The following SP3 variants were observed in gnomAD, a reference collection of about 807,000 sequenced individuals.
SP3 encodes Sp3 transcription factor, also known as transcription factor Sp3.
In SP3, 10 loss-of-function variants were observed where a neutral mutation model predicts 70.3. The ratio of observed to expected loss-of-function variants is 0.14; its 90% confidence interval spans 0.09 to 0.24. The LOEUF (loss-of-function observed/expected upper bound fraction) is 0.24, where lower values mean the gene tolerates loss of function less well. Among genes scored for constraint, SP3 ranks in the 10% least tolerant of loss-of-function variants. SP3 has a pLI of 1.00. For missense variants in SP3, 825 were observed against 914.6 expected (o/e 0.90, Z 1.26); for synonymous variants, 402 against 333.5 (o/e 1.21, Z -2.24).
rs1404277119 is a variant in SP3, at chr2:173,906,412, T to C, written c.*3529A>G. The stretch of plus-strand genomic sequence containing the variant: ...ACCAAAGATATCAATTAATTTGTTT[T>C]GTGCTTATTGTCAGACAACAAAAGA... On this transcript the variant is annotated 3_prime_UTR_variant, in exon 7 of 7. Transcript: ENST00000310015. 6.6e-6 allele frequency: 1 copy of C among 152,240 alleles called. No individual in the cohort carries two copies. Among genetic ancestry groups the C allele is most frequent in the African/African-American group, 2.4e-5 (1 of 41,464 alleles). 9.4% of individuals were successfully genotyped at this position (152,240 alleles called of 1,614,324 possible). A position where few individuals can be genotyped will look rare whatever the true frequency, so the allele number is the denominator to read the frequency against.
intron 4 of SP3, among the ~76,000 whole-genome samples, chr2:173,930,081 T>C (rs1259969410): frequency 6.6e-6 from 1 of 152,190 alleles, no homozygotes; most frequent in Non-Finnish European, 1.5e-5. Flanking sequence ...AGGGGTTCCA[T>C]ACCTTTAGTC....
chr2:173,955,592 T>A lies in SP3; in HGVS notation c.920A>T (p.Asp307Val), dbSNP rs771818998. 6.2e-7 allele frequency: 1 copy of A among 1,614,104 alleles called. No homozygotes were observed. Among genetic ancestry groups the A allele is most frequent in the Non-Finnish European group, 8.5e-7 (1 of 1,180,038 alleles). ...CCGCTCACCAGTCCTTTCTGAATTGTCTGAACTATCCATAGCTTGTCCTGT... is the reference window on the plus strand; with the variant it reads ...CCGCTCACCAGTCCTTTCTGAATTGACTGAACTATCCATAGCTTGTCCTGT... ...INTGQAMDSS[D>V]NSERTGERVS... The change falls in exon 4 of 7, where the codon GAC becomes GTC. Residue 307 changes from aspartate (D) to valine (V), a missense_variant. This residue lies in a region of SP3 where 678 missense variants were observed against 651.6 expected (regional missense o/e 1.04). Transcript: ENST00000310015.
chr2:173,917,748 C>CA (rs1689650034), intron 5 of SP3, among the ~76,000 whole-genome samples: 1 of 151,406 alleles, frequency 6.6e-6, no homozygotes, highest in Non-Finnish European at 1.5e-5. Flanking sequence ...CAAAGCTGCA[C>CA]AAAAAAGGGA....
intron 2 of SP3, 64 bp from the exon 3 acceptor site, chr2:173,963,947 C>G: frequency 2.5e-6 from 3 of 1,208,388 alleles, no homozygotes; most frequent in Non-Finnish European, 3.3e-6. Flanking sequence ...AGGGTCGGGC[C>G]GCCTTTCGCA....
chr2:173,926,195 TCTAA>T (rs1287544308), intron 4 of SP3, among the ~76,000 whole-genome samples: 4 of 152,276 alleles, frequency 2.6e-5, no homozygotes, highest in Admixed American at 6.5e-5. Flanking sequence ...CAATGTCTAG[TCTAA>T]CTTAGTCTAA....
chr2:173,910,590 A>G (rs947453517), intron 6 of SP3, among the ~76,000 whole-genome samples: 34 of 152,370 alleles, frequency 2.2e-4, no homozygotes, highest in African/African-American at 8.2e-4. Flanking sequence ...ATAAGCATCT[A>G]TAACACACTT....
At chr2:173,913,441 C>T (rs1404636103) in intron 5 of SP3, 175 bp from the exon 6 acceptor site, 14 of 433,154 alleles carry the variant, frequency 3.2e-5, no homozygotes, top group Non-Finnish European at 4.7e-5. Flanking sequence ...GTATTTCAAG[C>T]ATATACATTT....
chr2:173,903,933 G>A lies in SP3; in HGVS notation c.*6008C>T, dbSNP rs1689240019. ...TTTGTTGGTATTTCCTAGGACGGCG[G>A]TCCCCAAACTTTTTGGCACCAGGGA... On this transcript the variant is annotated 3_prime_UTR_variant, in exon 7 of 7. Transcript: ENST00000310015. 6.7e-6 allele frequency among the ~76,000 whole-genome samples: 1 copy of A among 148,338 alleles called. No homozygotes were observed. The highest frequency in any genetic ancestry group is 2.5e-5 in the African/African-American group (1 of 40,130).
At chr2:173,949,536 T>A (rs1313662298) in intron 4 of SP3, among the ~76,000 whole-genome samples, 1 of 152,022 alleles carries the variant, frequency 6.6e-6, no homozygotes, top group Admixed American at 6.6e-5. Context: ...GAATAGTAAA[T>A]AGATTAATGT....
At position 173,908,015 on chromosome 2, in the gene SP3, A is replaced by G. The variant is rs901007931; in HGVS notation, c.*1926T>C. The G allele has an allele frequency of 5.3e-5, 8 of 152,116 alleles. No individual in the cohort carries two copies. Among genetic ancestry groups the G allele is most frequent in the Non-Finnish European group, 8.8e-5 (6 of 67,950 alleles). 9.4% of individuals were successfully genotyped at this position (152,116 alleles called of 1,614,324 possible). Reference sequence around the variant, plus strand: ...TTACCCCCACTGTATACATGTGTTAAGAAACTTGATTTTTACTTTAAAACA... The same window carrying G: ...TTACCCCCACTGTATACATGTGTTAGGAAACTTGATTTTTACTTTAAAACA... On this transcript the variant is annotated 3_prime_UTR_variant, in exon 7 of 7. Coordinates refer to ENST00000310015, the MANE Select transcript of SP3 (RefSeq NM_003111.5).
At position 173,907,245 on chromosome 2, in the gene SP3, T is replaced by C. The variant is rs999520041; in HGVS notation, c.*2696A>G. Reference sequence around the variant, plus strand: ...AAATATATTCAATATGCACTAACTCTAGCCTTTACAAAAATAAAGCAATTG... The same window carrying C: ...AAATATATTCAATATGCACTAACTCCAGCCTTTACAAAAATAAAGCAATTG... On this transcript the variant is annotated 3_prime_UTR_variant, in exon 7 of 7. Coordinates refer to ENST00000310015, the MANE Select transcript of SP3 (RefSeq NM_003111.5). 6.6e-6 allele frequency: 1 copy of C among 152,170 alleles called. No homozygotes were observed. The highest frequency in any genetic ancestry group is 1.5e-5 in the Non-Finnish European group (1 of 67,992). The allele number at this position is 152,170 out of a possible 1,614,324, so 9.4% of individuals were successfully genotyped here. A position where few individuals can be genotyped will look rare whatever the true frequency, so the allele number is the denominator to read the frequency against.
At chr2:173,964,155 A>T (rs548118280) in intron 2 of SP3, 11 of 373,218 alleles carry the variant, frequency 2.9e-5, no homozygotes, top group African/African-American at 1.9e-4. Flanking sequence ...CCCGGAACCC[A>T]CCCCCGGGAG....
chr2:173,904,263 G>A lies in SP3; in HGVS notation c.*5678C>T, dbSNP rs570438802. On this transcript the variant is annotated 3_prime_UTR_variant, in exon 7 of 7. Transcript: ENST00000310015. ...GCCCAGGTGGTTCCTCACAGACCAG[G>A]GACCAGTACCGGTCTGTGGCCCAGG... 2.6e-5 allele frequency among the ~76,000 whole-genome samples: 4 copies of A among 152,130 alleles called. No homozygotes were observed. The highest frequency in any genetic ancestry group is 9.6e-5 in the African/African-American group (4 of 41,484).
chr2:173,925,484 G>A (rs1182027880), intron 4 of SP3, among the ~76,000 whole-genome samples: 1 of 152,164 alleles, frequency 6.6e-6, no homozygotes, highest in African/African-American at 2.4e-5. Flanking sequence ...AAATTCTAGA[G>A]ATGTGTTACA....
In SP3 at chr2:173,904,612, G is replaced by A. The variant is rs954435308; in HGVS notation, c.*5329C>T. On this transcript the variant is annotated 3_prime_UTR_variant, in exon 7 of 7. Coordinates refer to ENST00000310015, the MANE Select transcript of SP3 (RefSeq NM_003111.5). ...TCTGCCTCCCATGTATGTTCCAGAT[G>A]TGACCTCCCAAGACATCAGTTTTCC... 6.6e-6 allele frequency among the ~76,000 whole-genome samples: 1 copy of A among 152,186 alleles called. No homozygotes were observed. The highest frequency in any genetic ancestry group is 6.5e-5 in the Admixed American group (1 of 15,286).
chr2:173,947,006 A>T (rs1479646357), intron 4 of SP3, among the ~76,000 whole-genome samples: 1 of 152,058 alleles, frequency 6.6e-6, no homozygotes, highest in Non-Finnish European at 1.5e-5. Flanking sequence ...TAGAGGCATG[A>T]GCCACCATAC....
At chr2:173,957,577 A>T (rs536064882) in intron 3 of SP3, among the ~76,000 whole-genome samples, 1 of 152,294 alleles carries the variant, frequency 6.6e-6, no homozygotes, top group Admixed American at 6.5e-5. Flanking sequence ...TTCATAGAGG[A>T]AAGTAATGGG....
chr2:173,943,278 ATTT>A (rs1460101455), intron 4 of SP3, among the ~76,000 whole-genome samples: 1 of 151,980 alleles, frequency 6.6e-6, no homozygotes, highest in African/African-American at 2.4e-5. Flanking sequence ...TTCCAATCTT[ATTT>A]TCTAACACTC....
At chr2:173,933,646 A>ATATATATATATATG (rs1690130847) in intron 4 of SP3, among the ~76,000 whole-genome samples, 2 of 133,456 alleles carry the variant, frequency 1.5e-5, no homozygotes, top group Admixed American at 7.2e-5. Flanking sequence ...CTTTATATAT[A>ATATATATATATATG]TATATATATA....
Sources: allele counts gnomAD v4.1 joint callset (sites outside exome capture counted in the v4.1 genomes callset), GRCh38; gene constraint gnomAD v4.1.1; regional missense constraint gnomAD v4.1.1; transcripts MANE v1.5; gene names NCBI Gene and HGNC (gene_info 2026-07-23, HGNC 2026-07-21).